TMPRSS11F: variants seen among roughly 807,000 people sequenced by gnomAD.
TMPRSS11F encodes transmembrane serine protease 11F.
Under a neutral mutation model 60.2 loss-of-function variants are expected in TMPRSS11F, and 47 were observed. That is an observed-to-expected ratio of 0.78 (90% CI 0.62 to 1.00). The LOEUF is 1.00. Ranked by LOEUF, TMPRSS11F falls within the 50% of genes least tolerant of loss-of-function variation. TMPRSS11F has a pLI of 0.00. For synonymous variants in TMPRSS11F, 166 were observed against 167.3 expected, an observed-to-expected ratio of 0.99 and a Z score of 0.06; for missense variants, 519 against 522.9, an observed-to-expected ratio of 0.99 and a Z score of 0.07.
chr4:68,060,059 G>A (rs1216180054), intron 8 of TMPRSS11F, among the ~76,000 whole-genome samples: 1 of 152,078 alleles, frequency 6.6e-6, no homozygotes, highest in Non-Finnish European at 1.5e-5. Context: ...AAGTAGTTTA[G>A]GGCTCTGGGT....
intron 9 of TMPRSS11F, among the ~76,000 whole-genome samples, chr4:68,056,670 CAAAG>C (rs1723054608): frequency 6.6e-6 from 1 of 150,696 alleles, no homozygotes; most frequent in Admixed American, 6.6e-5. Flanking sequence ...ATTTCTTTCA[CAAAG>C]AAAGAAAACA....
At chr4:68,106,527 G>T (rs1165825682) in intron 1 of TMPRSS11F, among the ~76,000 whole-genome samples, 1 of 152,068 alleles carries the variant, frequency 6.6e-6, no homozygotes, top group Non-Finnish European at 1.5e-5. Context: ...CATATGAGGG[G>T]ATATTCTATA....
chr4:68,113,874 A>G (rs1724459983), intron 1 of TMPRSS11F, among the ~76,000 whole-genome samples: 1 of 152,156 alleles, frequency 6.6e-6, no homozygotes, highest in Non-Finnish European at 1.5e-5. Context: ...AAAGAGCACA[A>G]TTTGGTTCAT....
At chr4:68,062,139 C>T (rs1560392121) in intron 8 of TMPRSS11F, 2 of 439,486 alleles carry the variant, frequency 4.6e-6, no homozygotes, top group East Asian at 7.0e-5. Flanking sequence ...ACTGGCCAAA[C>T]TATGTTTTAT....
intron 7 of TMPRSS11F, among the ~76,000 whole-genome samples, chr4:68,066,792 G>T (rs2109838813): frequency 6.6e-6 from 1 of 152,080 alleles, no homozygotes; most frequent in East Asian, 1.9e-4. Context: ...AAATTAGCTG[G>T]GCGCGGTGGC....
At chr4:68,056,513 A>T (rs1723050035) in intron 9 of TMPRSS11F, among the ~76,000 whole-genome samples, 1 of 151,998 alleles carries the variant, frequency 6.6e-6, no homozygotes, top group African/African-American at 2.4e-5. Flanking sequence ...GAAAACTGTA[A>T]AATATAGAAG....
intron 9 of TMPRSS11F, among the ~76,000 whole-genome samples, chr4:68,054,506 G>A (rs1391927416): frequency 6.6e-6 from 1 of 151,932 alleles, no homozygotes; most frequent in Non-Finnish European, 1.5e-5. Context: ...TTTCTAATTA[G>A]TTTTCTTGCT....
At chr4:68,076,981 G>T (rs1480782154) in intron 3 of TMPRSS11F, among the ~76,000 whole-genome samples, 1 of 152,196 alleles carries the variant, frequency 6.6e-6, no homozygotes, top group Non-Finnish European at 1.5e-5. Flanking sequence ...CACCAAGCCT[G>T]CTCATGATTC....
chr4:68,103,479 G>A (rs1724234499), intron 1 of TMPRSS11F, among the ~76,000 whole-genome samples: 1 of 151,408 alleles, frequency 6.6e-6, no homozygotes, highest in Non-Finnish European at 1.5e-5. Flanking sequence ...GACCATATGT[G>A]TTTGGATTAA....
At chr4:68,081,577 C>T (rs150216321) in intron 3 of TMPRSS11F, among the ~76,000 whole-genome samples, 86 of 152,282 alleles carry the variant, frequency 5.6e-4, no homozygotes, top group African/African-American at 2.0e-3. Flanking sequence ...TCCTGCATTC[C>T]ATTTAGTTAA....
chr4:68,055,425 TG>T (rs1723023873), intron 9 of TMPRSS11F, among the ~76,000 whole-genome samples: 1 of 151,402 alleles, frequency 6.6e-6, no homozygotes, highest in Non-Finnish European at 1.5e-5. Context: ...AGGAAAGGAG[TG>T]TGAAAGAGAG....
At position 68,100,043 on chromosome 4, in the gene TMPRSS11F, C is replaced by CAAA. The variant is rs75779257; in HGVS notation, c.12-1008_12-1006dup. ...TTTGAGGAATAAAAGCTCACCAGGT[C>CAAA]AAAAAAAAAAAAAGGACAGAGAAAA... On this transcript the variant is annotated intron_variant, in intron 1 of 9. Transcript: ENST00000356291. Among the ~76,000 whole-genome samples, 382 of 88,524 alleles carry CAAA rather than the reference C, an allele frequency of 4.3e-3. 4 individuals are homozygous for CAAA. Among genetic ancestry groups the CAAA allele is most frequent in the African/African-American group, 0.016 (370 of 23,470 alleles). 58.1% of individuals were successfully genotyped at this position (88,524 alleles called of 152,430 possible). A position where few individuals can be genotyped will look rare whatever the true frequency, so the allele number is the denominator to read the frequency against.
intron 9 of TMPRSS11F, among the ~76,000 whole-genome samples, chr4:68,057,644 G>T (rs964568639): frequency 6.6e-6 from 1 of 151,948 alleles, no homozygotes; most frequent in African/African-American, 2.4e-5. Context: ...ATATAAAGAA[G>T]TTAACACAAT....
chr4:68,109,822 A>T (rs112512695), intron 1 of TMPRSS11F, among the ~76,000 whole-genome samples: 1 of 152,212 alleles, frequency 6.6e-6, no homozygotes, highest in East Asian at 1.9e-4. Flanking sequence ...ACAAGAAAAC[A>T]CTGGGCAATT....
chr4:68,126,693 A>G (rs1051988544), intron 1 of TMPRSS11F, among the ~76,000 whole-genome samples: 4 of 152,244 alleles, frequency 2.6e-5, no homozygotes, highest in African/African-American at 9.6e-5. Context: ...GGCACTAGCA[A>G]TAAAGGGAGG....
intron 1 of TMPRSS11F, among the ~76,000 whole-genome samples, chr4:68,101,523 T>G (rs1399559074): frequency 6.6e-6 from 1 of 152,188 alleles, no homozygotes; most frequent in Non-Finnish European, 1.5e-5. Flanking sequence ...TTTAGATATA[T>G]TTGTTAGATG....
chr4:68,082,453 G>A (rs1473974544), intron 3 of TMPRSS11F, among the ~76,000 whole-genome samples: 1 of 152,222 alleles, frequency 6.6e-6, no homozygotes, highest in East Asian at 1.9e-4. Context: ...AGGGCCAGGA[G>A]AGAGCAGTGC....
At position 68,129,054 on chromosome 4, in the gene TMPRSS11F, T is replaced by C. The variant is rs1370117286; in HGVS notation, c.11+756A>G. Among the ~76,000 whole-genome samples the C allele has an allele frequency of 2.6e-5, 4 of 152,148 alleles. No homozygotes were observed. The East Asian group carries it at 7.7e-4, about 29-fold the overall frequency. On this transcript the variant is annotated intron_variant, in intron 1 of 9. Coordinates refer to ENST00000356291, the MANE Select transcript of TMPRSS11F (RefSeq NM_207407.2). The stretch of plus-strand genomic sequence containing the variant: ...GTGCAGAACATGTGGGAAATTTGTG[T>C]CTGTAGAAAGATCGAGAACCTTTTT...
At chr4:68,091,361 C>T (rs1723927146) in intron 2 of TMPRSS11F, among the ~76,000 whole-genome samples, 1 of 152,018 alleles carries the variant, frequency 6.6e-6, no homozygotes, top group African/African-American at 2.4e-5. Context: ...TTCTCCTTGG[C>T]ATTCAAAGAT....
Sources: allele counts gnomAD v4.1 joint callset (sites outside exome capture counted in the v4.1 genomes callset), GRCh38; gene constraint gnomAD v4.1.1; transcripts MANE v1.5; gene names NCBI Gene and HGNC (gene_info 2026-07-23, HGNC 2026-07-21).